Variants in NIBAN3 observed in about 807,000 individuals in gnomAD.
NIBAN3 encodes niban apoptosis regulator 3.
A neutral mutation model predicts 76.4 loss-of-function variants in NIBAN3; 66 were observed. The observed-to-expected ratio is 0.86, with a 90% CI of 0.71 to 1.06. The LOEUF is 1.06. NIBAN3 is among the 50% of genes least tolerant of loss of function. The pLI, the probability that NIBAN3 is intolerant of heterozygous loss-of-function variation, is 0.00. For missense variants in NIBAN3, 808 were observed against 810.7 expected, an observed-to-expected ratio of 1.00 and a Z score of 0.04; for synonymous variants, 360 against 355.2, an observed-to-expected ratio of 1.01 and a Z score of -0.15.
At chr19:17,529,399 T>G (rs1409167432) in intron 1 of NIBAN3, among the ~76,000 whole-genome samples, 1 of 152,164 alleles carries the variant, frequency 6.6e-6, no homozygotes, top group Non-Finnish European at 1.5e-5. Flanking sequence ...TGTGGATTCC[T>G]GTGCCCAAGG....
At chr19:17,547,821 C>T (rs1325441941) in intron 13 of NIBAN3, among the ~76,000 whole-genome samples, 1 of 151,818 alleles carries the variant, frequency 6.6e-6, no homozygotes, top group Middle Eastern at 3.4e-3. Flanking sequence ...TGCATGCCAG[C>T]ACACCTGGCT....
Position 17,530,880 on chromosome 19 carries a change from A to AGCAAAGT in NIBAN3, c.183_186+3dup. On this transcript the variant is annotated frameshift_variant, in exon 2 of 15. Transcript: ENST00000599164. LOFTEE classifies it high-confidence loss of function. ...GCCGACCGGAAGCCAGTTGCTACGC[A>AGCAAAGT]GCAAAGTGGGTGTTGTGGGGGCAGA... The AGCAAAGT allele has an allele frequency of 6.2e-7, 1 of 1,613,094 alleles. No individual in the cohort carries two copies. Among genetic ancestry groups the AGCAAAGT allele is most frequent in the Non-Finnish European group, 8.5e-7 (1 of 1,179,722 alleles).
chr19:17,547,637 G>GAGACAT, intron 13 of NIBAN3, among the ~76,000 whole-genome samples: 3 of 150,152 alleles, frequency 2.0e-5, no homozygotes, highest in African/African-American at 2.4e-5. Context: ...ACAGGCGTGA[G>GAGACAT]CCACCGCACC....
Position 17,553,445 on chromosome 19 carries a change from G to T in NIBAN3, c.*1547G>T, listed in dbSNP as rs754742287. On this transcript the variant is annotated 3_prime_UTR_variant, in exon 15 of 15. Coordinates refer to ENST00000599164, the MANE Select transcript of NIBAN3 (RefSeq NM_001321827.2). ...CTGCTGTCTTGCAGCTGCTTCCGGA[G>T]TGGGTTCCACAGGGATTCCCGTGTG... 2.5e-6 allele frequency: 4 copies of T among 1,614,220 alleles called. No individual in the cohort carries two copies. The South Asian group carries it at 4.4e-5, about 18-fold the overall frequency.
chr19:17,549,280 G>A (rs1031836115), intron 13 of NIBAN3, among the ~76,000 whole-genome samples, 164 bp from the exon 14 acceptor site: 14 of 152,146 alleles, frequency 9.2e-5, no homozygotes, highest in East Asian at 3.9e-4. Context: ...TGCAGGGATC[G>A]GTTAGCAATG....
intron 13 of NIBAN3, among the ~76,000 whole-genome samples, chr19:17,547,821 C>G (rs1325441941): frequency 1.3e-5 from 2 of 151,700 alleles, no homozygotes; most frequent in African/African-American, 2.4e-5. Context: ...TGCATGCCAG[C>G]ACACCTGGCT....
At position 17,553,515 on chromosome 19, in the gene NIBAN3, C is replaced by T. The variant is rs138526761; in HGVS notation, c.*1617C>T. 8.0e-5 allele frequency: 129 copies of T among 1,614,190 alleles called. No homozygotes were observed. Among genetic ancestry groups the T allele is most frequent in the South Asian group, 3.6e-4 (33 of 91,088 alleles). On this transcript the variant is annotated 3_prime_UTR_variant, in exon 15 of 15. Coordinates refer to ENST00000599164, the MANE Select transcript of NIBAN3 (RefSeq NM_001321827.2). ...AGGGACTTTCACACTCCCTGGAGAC[C>T]GTTTCCTCCCATTCTGTCTGGAGTT...
chr19:17,523,832 G>A (rs2075580313), upstream of NIBAN3, among the ~76,000 whole-genome samples: 1 of 152,170 alleles, frequency 6.6e-6, no homozygotes, highest in Non-Finnish European at 1.5e-5. Flanking sequence ...GCCTTTGCCT[G>A]TGCTGAGCCC....
At chr19:17,546,469 C>T in intron 12 of NIBAN3, 2 of 912,574 alleles carry the variant, frequency 2.2e-6, no homozygotes, top group African/African-American at 1.8e-5. Flanking sequence ...CCCACCTCAG[C>T]CAACCAAAGT....
At chr19:17,529,670 A>G (rs2075677419) in intron 1 of NIBAN3, among the ~76,000 whole-genome samples, 1 of 152,184 alleles carries the variant, frequency 6.6e-6, no homozygotes, top group African/African-American at 2.4e-5. Flanking sequence ...GCATATGGGG[A>G]CACTTTTGGG....
Position 17,553,162 on chromosome 19 carries a change from CT to C in NIBAN3, c.*1270del. On this transcript the variant is annotated 3_prime_UTR_variant, in exon 15 of 15. Coordinates refer to ENST00000599164, the MANE Select transcript of NIBAN3 (RefSeq NM_001321827.2). ...ATTTCAGTGAATTGCCTGTTCATAG[CT>C]TTTTTCTACTTTTCAGGAGTGTTTG... 1 of 1,175,676 alleles carries C rather than the reference CT, an allele frequency of 8.5e-7. No homozygotes were observed. The highest frequency in any genetic ancestry group is 1.8e-5 in the South Asian group (1 of 55,444). The allele number at this position is 1,175,676 out of a possible 1,614,324, so 72.8% of individuals were successfully genotyped here.
Position 17,552,036 on chromosome 19 carries a change from G to T in NIBAN3, c.*138G>T. 2.1e-6 allele frequency: 1 copy of T among 474,696 alleles called. No individual in the cohort carries two copies. The highest frequency in any genetic ancestry group is 3.6e-5 in the South Asian group (1 of 27,442). 29.4% of individuals were successfully genotyped at this position (474,696 alleles called of 1,614,324 possible). On this transcript the variant is annotated 3_prime_UTR_variant, in exon 15 of 15. Coordinates refer to ENST00000599164, the MANE Select transcript of NIBAN3 (RefSeq NM_001321827.2). The stretch of plus-strand genomic sequence containing the variant: ...ACTGTACCATTTTATACTCCAAGCA[G>T]CAGCATTTATTTGTGTATTTTCCCC...
intron 4 of NIBAN3, among the ~76,000 whole-genome samples, chr19:17,537,151 G>T (rs926711003): frequency 6.6e-6 from 1 of 152,120 alleles, no homozygotes; most frequent in Non-Finnish European, 1.5e-5. Flanking sequence ...GTTCTGGGAT[G>T]GATTGGTGAT....
chr19:17,553,453 C>T lies in NIBAN3; in HGVS notation c.*1555C>T, dbSNP rs1307702899. On this transcript the variant is annotated 3_prime_UTR_variant, in exon 15 of 15. Coordinates refer to ENST00000599164, the MANE Select transcript of NIBAN3 (RefSeq NM_001321827.2). The stretch of plus-strand genomic sequence containing the variant: ...TTGCAGCTGCTTCCGGAGTGGGTTC[C>T]ACAGGGATTCCCGTGTGTTCTTGGT... The T allele has an allele frequency of 1.2e-6, 2 of 1,614,174 alleles. No homozygotes were observed. Among genetic ancestry groups the T allele is most frequent in the Admixed American group, 1.7e-5 (1 of 60,010 alleles).
At position 17,543,331 on chromosome 19, in the gene NIBAN3, C is replaced by T. The variant is rs748632827; in HGVS notation, c.1344C>T (p.Ala448=). 10 of 1,566,348 alleles carry T rather than the reference C, an allele frequency of 6.4e-6. No individual in the cohort carries two copies. Among genetic ancestry groups the T allele is most frequent in the Middle Eastern group, 1.7e-4 (1 of 5,792 alleles). Residue 448 remains alanine (A), a synonymous_variant, in exon 11 of 15, where the codon GCC becomes GCT. Coordinates refer to ENST00000599164, the MANE Select transcript of NIBAN3 (RefSeq NM_001321827.2). The part of the protein sequence containing the change: ...QDLAQQLMAD[A]VATFLQLADQ... ...TCCTCCCACAGCTCATGGCTGACGC[C>T]GTGGCCACCTTCCTGCAGCTGGCTG...
intron 4 of NIBAN3, among the ~76,000 whole-genome samples, chr19:17,534,223 A>T (rs1301274265): frequency 6.6e-6 from 1 of 152,044 alleles, no homozygotes; most frequent in Non-Finnish European, 1.5e-5. Context: ...AAAAACAATT[A>T]AAAACAATAG....
At chr19:17,550,876 G>A (rs1462796074) in intron 14 of NIBAN3, among the ~76,000 whole-genome samples, 2 of 120,434 alleles carry the variant, frequency 1.7e-5, no homozygotes, top group Non-Finnish European at 3.3e-5. Context: ...TCAAATGCAG[G>A]TTCCTGTGGG....
At chr19:17,539,787 TG>T in intron 8 of NIBAN3, 22 bp downstream of exon 8, 1 of 1,493,814 alleles carries the variant, frequency 6.7e-7, no homozygotes, top group South Asian at 1.2e-5. Flanking sequence ...GGGCGGAGCC[TG>T]GGCTGGGAGG....
intron 4 of NIBAN3, among the ~76,000 whole-genome samples, chr19:17,534,357 A>G (rs1311252724): frequency 1.2e-4 from 19 of 152,182 alleles, no homozygotes; most frequent in Non-Finnish European, 4.4e-5. Flanking sequence ...TCTACTAAAA[A>G]TACAAAAATT....
Sources: allele counts gnomAD v4.1 joint callset (sites outside exome capture counted in the v4.1 genomes callset), GRCh38; gene constraint gnomAD v4.1.1; transcripts MANE v1.5; gene names NCBI Gene and HGNC (gene_info 2026-07-23, HGNC 2026-07-21).